The following RSPO2 variants were observed in gnomAD, a reference collection of about 807,000 sequenced individuals.
RSPO2 encodes R-spondin 2, also known as R-spondin-2.
Under a neutral mutation model 30.9 loss-of-function variants are expected in RSPO2, and 14 were observed. The observed-to-expected ratio is 0.45, with a 90% CI of 0.30 to 0.71. The LOEUF is 0.71. RSPO2 is among the 30% of genes least tolerant of loss of function. The probability of loss-of-function intolerance (pLI) is 0.08; values close to 1 mark genes in which losing one functional copy is unlikely to be tolerated. For missense variants in RSPO2, 264 were observed against 301.9 expected (o/e 0.87, Z 0.93); for synonymous variants, 107 against 96.4 (o/e 1.11, Z -0.64).
At chr8:107,907,820 T>A (rs1811699922) in intron 5 of RSPO2, among the ~76,000 whole-genome samples, 1 of 152,130 alleles carries the variant, frequency 6.6e-6, no homozygotes, top group Non-Finnish European at 1.5e-5. Flanking sequence ...CTGTAAAAAG[T>A]TACCATATTT....
At chr8:108,031,377 G>A (rs777734814) in intron 2 of RSPO2, among the ~76,000 whole-genome samples, 5 of 152,124 alleles carry the variant, frequency 3.3e-5, no homozygotes, top group Non-Finnish European at 5.9e-5. Flanking sequence ...GTAACTAAAT[G>A]GCCTTATTAT....
intron 5 of RSPO2, among the ~76,000 whole-genome samples, chr8:107,917,766 A>C (rs1812024692): frequency 6.6e-6 from 1 of 152,146 alleles, no homozygotes; most frequent in Admixed American, 6.6e-5. Flanking sequence ...AATTATGTGG[A>C]ACTCCCATAA....
chr8:107,928,729 A>G (rs1251778656), intron 5 of RSPO2, among the ~76,000 whole-genome samples: 2 of 152,194 alleles, frequency 1.3e-5, no homozygotes, highest in African/African-American at 2.4e-5. Context: ...CATAGCGGGT[A>G]TCTTCTCTAG....
At chr8:107,948,905 T>G (rs1012361419) in intron 5 of RSPO2, among the ~76,000 whole-genome samples, 1 of 149,044 alleles carries the variant, frequency 6.7e-6, no homozygotes, top group African/African-American at 2.5e-5. Flanking sequence ...ATTTAGAAAA[T>G]ACATATTTAT....
At chr8:108,037,652 T>G (rs1319640998) in intron 2 of RSPO2, among the ~76,000 whole-genome samples, 1 of 152,216 alleles carries the variant, frequency 6.6e-6, no homozygotes, top group Non-Finnish European at 1.5e-5. Flanking sequence ...TGTGAATGTC[T>G]AACTTCAAAG....
At chr8:108,024,688 A>G (rs1273951312) in intron 2 of RSPO2, among the ~76,000 whole-genome samples, 1 of 152,222 alleles carries the variant, frequency 6.6e-6, no homozygotes, top group Non-Finnish European at 1.5e-5. Flanking sequence ...GATCTTTAGA[A>G]TCATGTTAAT....
intron 2 of RSPO2, among the ~76,000 whole-genome samples, chr8:108,020,715 A>G (rs1193450449): frequency 2.6e-5 from 4 of 152,236 alleles, no homozygotes; most frequent in Non-Finnish European, 5.9e-5. Flanking sequence ...AAAATGATAT[A>G]CAATTCCCTA....
At chr8:107,941,793 T>G (rs1022312282) in intron 5 of RSPO2, among the ~76,000 whole-genome samples, 2 of 152,154 alleles carry the variant, frequency 1.3e-5, no homozygotes, top group Non-Finnish European at 2.9e-5. Context: ...AGTAAAACTA[T>G]GAAGTGAATT....
chr8:108,011,427 G>A (rs1028844142), intron 2 of RSPO2, among the ~76,000 whole-genome samples: 10 of 152,086 alleles, frequency 6.6e-5, no homozygotes, highest in African/African-American at 2.4e-4. Flanking sequence ...TCTTTATTGT[G>A]TTTGGCACTT....
chr8:108,070,965 T>C (rs995533267), intron 2 of RSPO2, among the ~76,000 whole-genome samples: 1 of 152,198 alleles, frequency 6.6e-6, no homozygotes, highest in African/African-American at 2.4e-5. Flanking sequence ...TTTGAGGAAA[T>C]GGTCTTGTTC....
chr8:108,082,677 T>G lies in RSPO2; in HGVS notation c.-39A>C, dbSNP rs762558714. ...CGGGGGAGAGACGCCTCTCAAAGTC[T>G]AGGAACTGGAGGGTTCGCCCAAAGA... On this transcript the variant is annotated 5_prime_UTR_variant, in exon 2 of 6. Coordinates refer to ENST00000276659, the MANE Select transcript of RSPO2 (RefSeq NM_178565.5). 1 of 1,558,540 alleles carries G rather than the reference T, an allele frequency of 6.4e-7. No individual in the cohort carries two copies. The highest frequency in any genetic ancestry group is 1.4e-5 in the African/African-American group (1 of 73,816).
At chr8:107,995,576 T>C (rs546467200) in intron 2 of RSPO2, among the ~76,000 whole-genome samples, 1 of 152,284 alleles carries the variant, frequency 6.6e-6, no homozygotes, top group East Asian at 1.9e-4. Context: ...TCTGCTGAAT[T>C]ATCTCTAAAA....
intron 3 of RSPO2, among the ~76,000 whole-genome samples, chr8:107,965,991 G>A (rs1373611664): frequency 6.6e-6 from 1 of 152,150 alleles, no homozygotes; most frequent in Non-Finnish European, 1.5e-5. Context: ...GTCCTGGCAA[G>A]GGTGGCTGCC....
At chr8:108,053,840 G>C (rs1484034983) in intron 2 of RSPO2, among the ~76,000 whole-genome samples, 2 of 152,110 alleles carry the variant, frequency 1.3e-5, no homozygotes, top group African/African-American at 4.8e-5. Flanking sequence ...TTTATATACA[G>C]TGAATACCAT....
chr8:107,905,915 C>A (rs1224954255), intron 5 of RSPO2, among the ~76,000 whole-genome samples: 2 of 151,548 alleles, frequency 1.3e-5, no homozygotes, highest in African/African-American at 2.4e-5. Flanking sequence ...ATAGACGAGA[C>A]CTAAACAATT....
intron 5 of RSPO2, among the ~76,000 whole-genome samples, chr8:107,910,400 G>C (rs1008706776): frequency 6.6e-6 from 1 of 152,184 alleles, no homozygotes; most frequent in Non-Finnish European, 1.5e-5. Flanking sequence ...ACTGGGCATG[G>C]TACATGCCTG....
At chr8:107,944,978 A>C (rs1813011749) in intron 5 of RSPO2, among the ~76,000 whole-genome samples, 1 of 151,924 alleles carries the variant, frequency 6.6e-6, no homozygotes, top group African/African-American at 2.4e-5. Flanking sequence ...ACTAGTGATA[A>C]ACTCTAGGCC....
intron 5 of RSPO2, among the ~76,000 whole-genome samples, chr8:107,937,306 G>A (rs1401461313): frequency 6.6e-6 from 1 of 152,030 alleles, no homozygotes; most frequent in Non-Finnish European, 1.5e-5. Flanking sequence ...TTATCTGTAA[G>A]TCTGTGGATT....
intron 5 of RSPO2, among the ~76,000 whole-genome samples, chr8:107,902,194 AAAGT>A (rs1158710693): frequency 6.6e-6 from 1 of 152,160 alleles, no homozygotes; most frequent in Non-Finnish European, 1.5e-5. Context: ...CATTTTACAG[AAAGT>A]AAGTCACCCC....
Sources: allele counts gnomAD v4.1 joint callset (sites outside exome capture counted in the v4.1 genomes callset), GRCh38; gene constraint gnomAD v4.1.1; transcripts MANE v1.5; gene names NCBI Gene and HGNC (gene_info 2026-07-23, HGNC 2026-07-21).